RXFP2: variants seen among roughly 807,000 people sequenced by gnomAD.
The protein encoded by RXFP2 is relaxin receptor 2.
Under a neutral mutation model 88.6 loss-of-function variants are expected in RXFP2, and 68 were observed. The ratio of observed to expected loss-of-function variants is 0.77; its 90% CI spans 0.63 to 0.94. The LOEUF is 0.94. Among genes scored for constraint, RXFP2 ranks in the 40% least tolerant of loss-of-function variants. The pLI, the probability that RXFP2 is intolerant of heterozygous loss-of-function variation, is 0.00. For synonymous variants in RXFP2, 329 were observed against 306.8 expected, an observed-to-expected ratio of 1.07 and a Z score of -0.76; for missense variants, 791 against 893.9, an observed-to-expected ratio of 0.88 and a Z score of 1.47.
intron 11 of RXFP2, 88 bp from the exon 12 acceptor site, chr13:31,786,295 T>C: frequency 1.0e-6 from 1 of 978,148 alleles, no homozygotes; most frequent in East Asian, 2.4e-5. Flanking sequence ...TTCTGTTACA[T>C]CAAATGGGAT....
chr13:31,764,179 A>G (rs1391286638), intron 3 of RXFP2, among the ~76,000 whole-genome samples: 1 of 151,746 alleles, frequency 6.6e-6, no homozygotes, highest in Non-Finnish European at 1.5e-5. Context: ...AGACTCCAAA[A>G]ATACTTGCTC....
intron 17 of RXFP2, among the ~76,000 whole-genome samples, chr13:31,800,676 T>C (rs1422546941): frequency 2.0e-5 from 3 of 152,248 alleles, no homozygotes; most frequent in Non-Finnish European, 4.4e-5. Context: ...GAGTGGAACT[T>C]ACGTGGCCTA....
At chr13:31,754,940 A>T (rs1454393740) in intron 1 of RXFP2, among the ~76,000 whole-genome samples, 1 of 152,200 alleles carries the variant, frequency 6.6e-6, no homozygotes, top group East Asian at 1.9e-4. Context: ...TTCCTTCTTA[A>T]CATTCTATTT....
intron 1 of RXFP2, among the ~76,000 whole-genome samples, chr13:31,745,920 C>T (rs560754464): frequency 2.0e-5 from 3 of 152,248 alleles, no homozygotes; most frequent in Admixed American, 6.5e-5. Flanking sequence ...GCTACACAAA[C>T]GTTAAGAGAT....
In RXFP2 at chr13:31,797,188, C is replaced by T; in HGVS notation, c.1787-13C>T. On this transcript the variant is annotated splice_polypyrimidine_tract_variant and intron_variant, in intron 16 of 17. Transcript: ENST00000298386. ...TTACGCCTGAGATGTTAAAAGTGTG[C>T]TTTTCCCAACAGGTGTGAACTTGCT... is the stretch of plus-strand genomic sequence containing the variant. 1 of 1,576,360 alleles carries T rather than the reference C, an allele frequency of 6.3e-7. No individual in the cohort carries two copies. Among genetic ancestry groups the T allele is most frequent in the East Asian group, 2.2e-5 (1 of 44,698 alleles).
chr13:31,766,018 T>A lies in RXFP2; in HGVS notation c.488T>A (p.Leu163His). The A allele has an allele frequency of 6.6e-7, 1 of 1,524,792 alleles. No homozygotes were observed. The highest frequency in any genetic ancestry group is 9.1e-7 in the Non-Finnish European group (1 of 1,100,626). The allele number at this position is 1,524,792 out of a possible 1,614,324, so 94.5% of individuals were successfully genotyped here. Residue 163 changes from leucine (L) to histidine (H), a missense_variant, in exon 5 of 18, where the codon CTT becomes CAT. Transcript: ENST00000298386. ...PDKVFIKYTK[L>H]KKIFLQHNCI... ...AAAGTTTTCATCAAATACACAAAACTTAAAAAGATGTAAGTAGCCGTTAAT... is the reference window on the plus strand; with the variant it reads ...AAAGTTTTCATCAAATACACAAAACATAAAAAGATGTAAGTAGCCGTTAAT...
intron 17 of RXFP2, among the ~76,000 whole-genome samples, chr13:31,801,449 CGGCCACAGGATCA>C (rs1327231046): frequency 6.6e-6 from 1 of 151,956 alleles, no homozygotes; most frequent in Non-Finnish European, 1.5e-5. Flanking sequence ...GCTAAGTGTC[CGGCCACAGGATCA>C]GGCCACGTGT....
At position 31,758,334 on chromosome 13, in the gene RXFP2, G is replaced by A. The variant is rs369176351; in HGVS notation, c.171G>A (p.Lys57=). ...KGYFPCGNLT[K]CLPRAFHCDG... ...ATTTTCCCTGTGGGAATCTTACCAAGTGCTTACCCCGAGCTTTTCACTGTG... is the reference window on the plus strand; with the variant it reads ...ATTTTCCCTGTGGGAATCTTACCAAATGCTTACCCCGAGCTTTTCACTGTG... The change falls in exon 2 of 18, where the codon AAG becomes AAA. Residue 57 remains lysine, a synonymous_variant. Transcript: ENST00000298386. 5.6e-6 allele frequency: 9 copies of A among 1,614,032 alleles called. No individual in the cohort carries two copies. Among genetic ancestry groups the A allele is most frequent in the African/African-American group, 4.0e-5 (3 of 74,914 alleles).
chr13:31,797,212 C>A lies in RXFP2; in HGVS notation c.1798C>A (p.Leu600Met), dbSNP rs1874092108. 1 of 1,612,286 alleles carries A rather than the reference C, an allele frequency of 6.2e-7. No individual in the cohort carries two copies. Among genetic ancestry groups the A allele is most frequent in the Non-Finnish European group, 8.5e-7 (1 of 1,178,348 alleles). The change falls in exon 17 of 18, where the codon CTG becomes ATG. Residue 600 changes from leucine to methionine, a missense_variant. Transcript: ENST00000298386. ...SLGIFLGVNLLAFLIIVFSYI... is the reference protein window; with the variant it reads ...SLGIFLGVNLMAFLIIVFSYI... Reference sequence around the variant, plus strand: ...GCTTTTCCCAACAGGTGTGAACTTGCTGGCTTTTCTCATCATTGTGTTTTC... The same window carrying A: ...GCTTTTCCCAACAGGTGTGAACTTGATGGCTTTTCTCATCATTGTGTTTTC...
chr13:31,794,521 G>A (rs558635261), intron 16 of RXFP2, among the ~76,000 whole-genome samples: 6 of 152,152 alleles, frequency 3.9e-5, no homozygotes, highest in African/African-American at 1.2e-4. Context: ...AGGCCTTACA[G>A]ACCACAGAGG....
chr13:31,794,368 CCACACACACACACA>C (rs56077729), intron 16 of RXFP2, among the ~76,000 whole-genome samples: 40 of 145,890 alleles, frequency 2.7e-4, no homozygotes, highest in Admixed American at 8.2e-4. Flanking sequence ...GAAACACACA[CCACACACACACACA>C]CACACACACA....
chr13:31,774,785 G>T (rs1872870972), intron 6 of RXFP2, 94 bp downstream of exon 6: 1 of 763,554 alleles, frequency 1.3e-6, no homozygotes. Context: ...TGATTGTAGG[G>T]AAGTGGGAGG....
rs1566217565 is a variant in RXFP2, at chr13:31,758,240, G to C, written c.95-18G>C. On this transcript the variant is annotated intron_variant, in intron 1 of 17. Coordinates refer to ENST00000298386, the MANE Select transcript of RXFP2 (RefSeq NM_130806.5). ...TTGGCCATGGTAACACTTTGTTTTT[G>C]CCCCTTCTTTCATGTAGATTTTGCA... 6.2e-7 allele frequency: 1 copy of C among 1,613,828 alleles called. No individual in the cohort carries two copies. Among genetic ancestry groups the C allele is most frequent in the South Asian group, 1.1e-5 (1 of 91,066 alleles).
chr13:31,790,430 G>A (rs992472601), intron 14 of RXFP2, among the ~76,000 whole-genome samples: 3 of 152,232 alleles, frequency 2.0e-5, no homozygotes, highest in African/African-American at 7.2e-5. Flanking sequence ...TTGGATGCCA[G>A]ATATTAGGAA....
intron 1 of RXFP2, 66 bp from the exon 2 acceptor site, chr13:31,758,192 A>C: frequency 6.4e-7 from 1 of 1,564,094 alleles, no homozygotes; most frequent in South Asian, 1.1e-5. Context: ...TGTGAAAATT[A>C]AATGGGACAA....
chr13:31,750,783 G>A (rs547460609), intron 1 of RXFP2, among the ~76,000 whole-genome samples: 14 of 152,304 alleles, frequency 9.2e-5, no homozygotes, highest in African/African-American at 2.6e-4. Flanking sequence ...GAATGTCAGC[G>A]GAGCAGCAAG....
rs748583937 is a variant in RXFP2 at position 31,789,107 on chromosome 13, G to A, written c.1074-15G>A. The A allele has an allele frequency of 4.0e-5, 61 of 1,532,906 alleles. No homozygotes were observed. Among genetic ancestry groups the A allele is most frequent in the South Asian group, 7.8e-5 (7 of 89,448 alleles). 95.0% of individuals were successfully genotyped at this position (1,532,906 alleles called of 1,614,324 possible). ...TCATCTCAACACCATTAAACCTATC[G>A]TGTGTATTTTCCAGAGACCTGGAAA... On this transcript the variant is annotated splice_polypyrimidine_tract_variant and intron_variant, in intron 13 of 17. Coordinates refer to ENST00000298386, the MANE Select transcript of RXFP2 (RefSeq NM_130806.5).
rs577350951 is a variant in RXFP2 at position 31,758,166 on chromosome 13, C to T, written c.95-92C>T. 7.9e-6 allele frequency: 10 copies of T among 1,271,388 alleles called. No individual in the cohort carries two copies. In the East Asian group the frequency reaches 2.1e-4, roughly 27 times the overall value. 78.8% of individuals were successfully genotyped at this position (1,271,388 alleles called of 1,614,324 possible). ...CACTAAGAATAATACCAGATGAACTCAACTCATATAGCTCTTGTGAAAATT... is the reference window on the plus strand; with the variant it reads ...CACTAAGAATAATACCAGATGAACTTAACTCATATAGCTCTTGTGAAAATT... On this transcript the variant is annotated intron_variant, in intron 1 of 17. Transcript: ENST00000298386.
At chr13:31,755,240 C>T (rs999502549) in intron 1 of RXFP2, among the ~76,000 whole-genome samples, 9 of 152,190 alleles carry the variant, frequency 5.9e-5, no homozygotes, top group Admixed American at 5.9e-4. Context: ...TGGGTCACAT[C>T]CCATTAGGGG....
Sources: allele counts gnomAD v4.1 joint callset (sites outside exome capture counted in the v4.1 genomes callset), GRCh38; gene constraint gnomAD v4.1.1; transcripts MANE v1.5; gene names NCBI Gene and HGNC (gene_info 2026-07-23, HGNC 2026-07-21).